TTC7A: variants seen among roughly 807,000 people sequenced by gnomAD.
TTC7A encodes tetratricopeptide repeat domain 7A.
In TTC7A, 110 loss-of-function variants were observed where a neutral mutation model predicts 103.7. The ratio of observed to expected loss-of-function variants is 1.06; its 90% confidence interval spans 0.91 to 1.24. TTC7A has a LOEUF of 1.24. Ranked by LOEUF, TTC7A falls within the 50% of genes most tolerant of loss-of-function variation. The pLI is 0.00. For synonymous variants in TTC7A, 521 were observed against 467.9 expected (o/e 1.11, Z -1.47); for missense variants, 1,340 against 1,116.3 (o/e 1.20, Z -2.86).
chr2:47,013,448 T>C (rs1310831994), intron 11 of TTC7A, among the ~76,000 whole-genome samples: 1 of 152,094 alleles, frequency 6.6e-6, no homozygotes, highest in African/African-American at 2.4e-5. Flanking sequence ...CGCTGCTTGC[T>C]CCTAGGGCTT....
Position 46,978,791 on chromosome 2 carries a change from G to A in TTC7A, c.649-1G>A, listed in dbSNP as rs374259263. 6.2e-7 allele frequency: 1 copy of A among 1,613,322 alleles called. No individual in the cohort carries two copies. Among genetic ancestry groups the A allele is most frequent in the African/African-American group, 1.3e-5 (1 of 74,846 alleles). The stretch of plus-strand genomic sequence containing the variant: ...GGCTCTCTCTCTGTTTCCCTTCCCA[G>A]ACCACAAATAACAGCACGTCGAGGC... On this transcript the variant is annotated splice_acceptor_variant, in intron 4 of 19. Coordinates refer to ENST00000319190, the MANE Select transcript of TTC7A (RefSeq NM_020458.4). LOFTEE classifies it high-confidence loss of function.
At chr2:47,049,854 C>T (rs1682693095) in intron 16 of TTC7A, 95 bp from the exon 17 acceptor site, 2 of 915,730 alleles carry the variant, frequency 2.2e-6, no homozygotes, top group Non-Finnish European at 3.5e-6. Flanking sequence ...TCCCATTCTC[C>T]CTGCCAGTCC....
At chr2:47,003,979 C>T (rs1294000489) in intron 8 of TTC7A, among the ~76,000 whole-genome samples, 1 of 152,238 alleles carries the variant, frequency 6.6e-6, no homozygotes, top group Non-Finnish European at 1.5e-5. Context: ...AGAATTTCTT[C>T]TCTCTTCCTG....
At chr2:47,031,192 C>T (rs927239869) in intron 15 of TTC7A, among the ~76,000 whole-genome samples, 1 of 151,990 alleles carries the variant, frequency 6.6e-6, no homozygotes, top group Non-Finnish European at 1.5e-5. Flanking sequence ...TCACTTCACC[C>T]GCAAAGGCGA....
chr2:47,008,001 G>C (rs893637539), intron 10 of TTC7A, among the ~76,000 whole-genome samples: 3 of 152,212 alleles, frequency 2.0e-5, no homozygotes, highest in Non-Finnish European at 4.4e-5. Context: ...TGAAGGGGCT[G>C]GAAAAGACGA....
At chr2:47,055,106 G>A (rs549315051) in intron 18 of TTC7A, among the ~76,000 whole-genome samples, 13 of 152,016 alleles carry the variant, frequency 8.6e-5, no homozygotes, top group East Asian at 7.7e-4. Flanking sequence ...TCCCTAAACC[G>A]CCTCCCCCAC....
chr2:46,998,475 C>A (rs1290138724), intron 8 of TTC7A, among the ~76,000 whole-genome samples: 2 of 152,162 alleles, frequency 1.3e-5, no homozygotes, highest in Non-Finnish European at 2.9e-5. Context: ...TGCCCTGATA[C>A]CTCTCAGCTG....
chr2:46,920,480 C>T (rs941947283), intron 2 of TTC7A, among the ~76,000 whole-genome samples: 5 of 151,966 alleles, frequency 3.3e-5, no homozygotes, highest in Non-Finnish European at 7.4e-5. Context: ...CAGGCAACAA[C>T]CACCACGCCC....
chr2:46,924,993 C>G (rs977575598), intron 2 of TTC7A, among the ~76,000 whole-genome samples: 2 of 152,202 alleles, frequency 1.3e-5, no homozygotes, highest in African/African-American at 4.8e-5. Flanking sequence ...AATGGGGTAG[C>G]TTGGATACTG....
At chr2:46,990,756 G>A (rs139427348) in intron 5 of TTC7A, among the ~76,000 whole-genome samples, 2 of 152,286 alleles carry the variant, frequency 1.3e-5, no homozygotes, top group African/African-American at 2.4e-5. Context: ...TGGGGTTACT[G>A]TGTCAGATTG....
intron 12 of TTC7A, 111 bp from the exon 13 acceptor site, chr2:47,023,297 A>G (rs1478662224): frequency 6.9e-6 from 8 of 1,151,968 alleles, no homozygotes; most frequent in African/African-American, 1.5e-5. Context: ...GCCAGATGGG[A>G]CCCTGGTGGG....
At chr2:47,016,868 G>A (rs1381471680) in intron 11 of TTC7A, among the ~76,000 whole-genome samples, 1 of 152,124 alleles carries the variant, frequency 6.6e-6, no homozygotes, top group Non-Finnish European at 1.5e-5. Context: ...GATCGCAGGT[G>A]GGGCCCATTA....
chr2:47,041,559 C>G (rs13353361), intron 15 of TTC7A, among the ~76,000 whole-genome samples: 12,048 of 152,164 alleles, frequency 0.079, 867 homozygotes, highest in African/African-American at 0.19. Context: ...TCAAGAACAG[C>G]CTGACCTACA....
chr2:47,032,938 T>A (rs984118267), intron 15 of TTC7A, among the ~76,000 whole-genome samples: 2 of 145,738 alleles, frequency 1.4e-5, no homozygotes, highest in African/African-American at 2.5e-5. Flanking sequence ...ATGGCTGGGG[T>A]GGGGCTGAGA....
At chr2:47,063,192 GAA>G (rs1342092340) in intron 19 of TTC7A, among the ~76,000 whole-genome samples, 2 of 152,212 alleles carry the variant, frequency 1.3e-5, no homozygotes, top group Non-Finnish European at 2.9e-5. Flanking sequence ...GGGGACTTAG[GAA>G]AAGACACATT....
chr2:46,972,366 G>T (rs547642080), intron 3 of TTC7A, among the ~76,000 whole-genome samples: 1 of 151,866 alleles, frequency 6.6e-6, no homozygotes, highest in Non-Finnish European at 1.5e-5. Flanking sequence ...ATTTTAAATC[G>T]CAGTAAAAAA....
rs1679333639 is a variant in TTC7A at position 47,021,917 on chromosome 2, G to C, written c.1448G>C (p.Gly483Ala). The change falls in exon 12 of 20, where the codon GGG becomes GCG. Residue 483 changes from glycine to alanine, a missense_variant. Transcript: ENST00000319190. ...GTGATCAGCCTCGGAGAGGAAGCCGGGGAGTTCCTCCCCAAGGGCTACCTG... is the reference window on the plus strand; with the variant it reads ...GTGATCAGCCTCGGAGAGGAAGCCGCGGAGTTCCTCCCCAAGGGCTACCTG... ...MMVISLGEEA[G>A]EFLPKGYLAL... 5 of 1,614,146 alleles carry C rather than the reference G, an allele frequency of 3.1e-6. No individual in the cohort carries two copies. The highest frequency in any genetic ancestry group is 4.2e-6 in the Non-Finnish European group (5 of 1,179,980).
At chr2:47,044,445 C>T (rs760340278) in intron 15 of TTC7A, among the ~76,000 whole-genome samples, 23 of 152,330 alleles carry the variant, frequency 1.5e-4, no homozygotes, top group Non-Finnish European at 2.8e-4. Context: ...CAGTTGTCCC[C>T]AGCAGTTGCC....
chr2:46,916,287 G>T (rs1207563829), exon 1 of TTC7A: 2 of 594,866 alleles, frequency 3.4e-6, no homozygotes, highest in East Asian at 1.4e-4. Context: ...TGGACCCTAC[G>T]TTTCAAGATT....
Sources: gnomAD v4.1 joint callset for allele counts (sites outside exome capture counted in the v4.1 genomes callset) on GRCh38, gnomAD v4.1.1 for gene constraint, MANE v1.5 for transcripts, NCBI Gene and HGNC (gene_info 2026-07-23, HGNC 2026-07-21) for gene names.